GM2A: variants seen among roughly 807,000 people sequenced by gnomAD.
The protein encoded by GM2A is GM2 ganglioside activator.
GM2A carries 7 observed loss-of-function variants against 12.9 expected under a neutral mutation model. The observed-to-expected ratio is 0.54, with a 90% CI of 0.31 to 1.02. GM2A has a LOEUF of 1.02. Among genes scored for constraint, GM2A ranks in the 50% least tolerant of loss-of-function variants. The pLI is 0.05. For synonymous variants in GM2A, 101 were observed against 96.0 expected (o/e 1.05, Z -0.30); for missense variants, 246 against 241.0 (o/e 1.02, Z -0.14).
intron 3 of GM2A, 117 bp from the exon 4 acceptor site, chr5:151,267,179 T>C (rs2127241072): frequency 7.6e-7 from 1 of 1,322,208 alleles, no homozygotes; most frequent in East Asian, 2.4e-5. Flanking sequence ...CTTGTGCGGC[T>C]GTTTTGAGAA....
At position 151,267,159 on chromosome 5, in the gene GM2A, C is replaced by T. The variant is rs559608980; in HGVS notation, c.427-137C>T. The T allele has an allele frequency of 3.2e-4, 356 of 1,099,982 alleles. 3 individuals carry two copies. In the South Asian group the frequency reaches 3.8e-3, roughly 12 times the overall value. The allele number at this position is 1,099,982 out of a possible 1,614,324, so 68.1% of individuals were successfully genotyped here. ...AATCCATGCTCTACAGTGCTATGGCCGTCTCTCATCTTGTGCGGCTGTTTT... is the reference window on the plus strand; with the variant it reads ...AATCCATGCTCTACAGTGCTATGGCTGTCTCTCATCTTGTGCGGCTGTTTT... On this transcript the variant is annotated intron_variant, in intron 3 of 3. Coordinates refer to ENST00000357164, the MANE Select transcript of GM2A (RefSeq NM_000405.5).
chr5:151,256,644 A>G (rs1277674591), intron 1 of GM2A, among the ~76,000 whole-genome samples: 3 of 151,822 alleles, frequency 2.0e-5, no homozygotes, highest in Non-Finnish European at 2.9e-5. Flanking sequence ...CAGAGATAAT[A>G]TAGAGTTTCT....
intron 2 of GM2A, among the ~76,000 whole-genome samples, chr5:151,264,850 C>G (rs2127239084): frequency 6.6e-6 from 1 of 152,172 alleles, no homozygotes; most frequent in Non-Finnish European, 1.5e-5. Context: ...GGCGTGGTAG[C>G]TCATGCCTGT....
At position 151,259,763 on chromosome 5, in the gene GM2A, G is replaced by A. The variant is rs371296403; in HGVS notation, c.90G>A (p.Gln30=). ...TGCCTGATTGTCCCCAGCCATCCCA[G>A]CTCAGTAGCTTTTCCTGGGATAACT... ...PAQAHLKKPS[Q]LSSFSWDNCD... is the part of the protein sequence containing the mutation. Residue 30 remains glutamine (Q), a synonymous_variant, in exon 2 of 4, where the codon CAG becomes CAA. Coordinates refer to ENST00000357164, the MANE Select transcript of GM2A (RefSeq NM_000405.5). 1 of 1,613,810 alleles carries A rather than the reference G, an allele frequency of 6.2e-7. No individual in the cohort carries two copies. The highest frequency in any genetic ancestry group is 1.3e-5 in the African/African-American group (1 of 74,904).
At position 151,270,171 on chromosome 5, in the gene GM2A, T is replaced by C. The variant is rs1323470865; in HGVS notation, c.*2720T>C. The C allele has an allele frequency of 4.6e-6, 5 of 1,087,772 alleles. No individual in the cohort carries two copies. Among genetic ancestry groups the C allele is most frequent in the South Asian group, 4.8e-5 (1 of 20,710 alleles). 67.4% of individuals were successfully genotyped at this position (1,087,772 alleles called of 1,614,324 possible). ...GCAGGTCAAAGCAGACTTTAATAAA[T>C]GGTGCTGAGCCAACTGGAAAGCCCC... is the stretch of plus-strand genomic sequence containing the variant. On this transcript the variant is annotated 3_prime_UTR_variant, in exon 4 of 4. Coordinates refer to ENST00000357164, the MANE Select transcript of GM2A (RefSeq NM_000405.5).
chr5:151,258,603 T>C (rs750519088), intron 1 of GM2A, among the ~76,000 whole-genome samples: 2 of 152,206 alleles, frequency 1.3e-5, no homozygotes, highest in African/African-American at 2.4e-5. Context: ...CCCTAACTTC[T>C]GCTTGGTCAT....
At chr5:151,260,573 G>C (rs147611557) in intron 2 of GM2A, among the ~76,000 whole-genome samples, 24 of 152,144 alleles carry the variant, frequency 1.6e-4, no homozygotes, top group Middle Eastern at 3.4e-3. Context: ...AGCCAGGATC[G>C]CACCACTGCA....
rs1753981820 is a variant in GM2A, at chr5:151,270,158, A to AGATT, written c.*2709_*2710insTTGA. The AGATT allele has an allele frequency of 6.6e-6, 8 of 1,203,806 alleles. No homozygotes were observed. Among genetic ancestry groups the AGATT allele is most frequent in the Non-Finnish European group, 8.3e-6 (8 of 965,570 alleles). The allele number at this position is 1,203,806 out of a possible 1,614,324, so 74.6% of individuals were successfully genotyped here. Reference sequence around the variant, plus strand: ...GGCATCTTCAATCGCAGGTCAAAGCAGACTTTAATAAATGGTGCTGAGCCA... The same window carrying AGATT: ...GGCATCTTCAATCGCAGGTCAAAGCAGATTGACTTTAATAAATGGTGCTGAGCCA... On this transcript the variant is annotated 3_prime_UTR_variant, in exon 4 of 4. Transcript: ENST00000357164.
Position 151,267,880 on chromosome 5 carries a change from C to A in GM2A, c.*429C>A. 1.7e-6 allele frequency: 2 copies of A among 1,149,578 alleles called. No individual in the cohort carries two copies. The highest frequency in any genetic ancestry group is 1.9e-5 in the South Asian group (1 of 52,922). 71.2% of individuals were successfully genotyped at this position (1,149,578 alleles called of 1,614,324 possible). ...TATTAACGTTTTTGTTCTCCTCCGG[C>A]CCCCTGTTACAATGAAGGGGCAAAA... On this transcript the variant is annotated 3_prime_UTR_variant, in exon 4 of 4. Transcript: ENST00000357164.
rs59997121 is a variant in GM2A, at chr5:151,266,447, C to CAAAAAAAAA, written c.244-277_244-269dup. Among the ~76,000 whole-genome samples, 84 of 106,112 alleles carry CAAAAAAAAA rather than the reference C, an allele frequency of 7.9e-4. 2 individuals carry two copies. Among genetic ancestry groups the CAAAAAAAAA allele is most frequent in the African/African-American group, 1.1e-3 (29 of 26,344 alleles). 69.6% of individuals were successfully genotyped at this position (106,112 alleles called of 152,430 possible). ...GCAGTGAGTGCAGTGAGCCATGATA[C>CAAAAAAAAA]AAAAAAAAAAAAAAAGAATTCTAAG... is the stretch of plus-strand genomic sequence containing the variant. On this transcript the variant is annotated intron_variant, in intron 2 of 3. Transcript: ENST00000357164.
chr5:151,266,954 A>G, intron 3 of GM2A, 41 bp downstream of exon 3: 2 of 1,489,530 alleles, frequency 1.3e-6, no homozygotes, highest in South Asian at 2.3e-5. Context: ...CCTGTGGCTA[A>G]AGAGATGGGG....
At chr5:151,255,920 T>C (rs934759719) in intron 1 of GM2A, among the ~76,000 whole-genome samples, 7 of 152,128 alleles carry the variant, frequency 4.6e-5, no homozygotes, top group African/African-American at 1.7e-4. Context: ...AGGTCTTAGA[T>C]TGGCAGTTTT....
At chr5:151,262,341 G>A (rs559521191) in intron 2 of GM2A, among the ~76,000 whole-genome samples, 22 of 152,276 alleles carry the variant, frequency 1.4e-4, no homozygotes, top group African/African-American at 4.8e-4. Context: ...TCCTGATTTG[G>A]ATTCTGTGTT....
chr5:151,268,692 T>G lies in GM2A; in HGVS notation c.*1241T>G. 1 of 541,028 alleles carries G rather than the reference T, an allele frequency of 1.8e-6. No individual in the cohort carries two copies. The highest frequency in any genetic ancestry group is 2.3e-6 in the Non-Finnish European group (1 of 426,274). The allele number at this position is 541,028 out of a possible 1,614,324, so 33.5% of individuals were successfully genotyped here. ...GTGAGACTCTGTCTCAAAAAAAAAG[T>G]TTCAATGTTTACTCCTAGAGAAGCC... is the stretch of plus-strand genomic sequence containing the variant. On this transcript the variant is annotated 3_prime_UTR_variant, in exon 4 of 4. Transcript: ENST00000357164.
Position 151,259,787 on chromosome 5 carries a change from C to T in GM2A, c.114C>T (p.Asn38=), listed in dbSNP as rs975289769. The T allele has an allele frequency of 1.2e-6, 2 of 1,613,924 alleles. No individual in the cohort carries two copies. Among genetic ancestry groups the T allele is most frequent in the Middle Eastern group, 1.7e-4 (1 of 6,060 alleles). Residue 38 remains asparagine (N), a synonymous_variant, in exon 2 of 4, where the codon AAC becomes AAT. Transcript: ENST00000357164. ...PSQLSSFSWD[N]CDEGKDPAVI... ...AGCTCAGTAGCTTTTCCTGGGATAACTGTGATGAAGGGAAGGACCCTGCGG... is the reference window on the plus strand; with the variant it reads ...AGCTCAGTAGCTTTTCCTGGGATAATTGTGATGAAGGGAAGGACCCTGCGG...
chr5:151,267,096 G>C (rs562761793), intron 3 of GM2A, 183 bp downstream of exon 3: 21 of 845,108 alleles, frequency 2.5e-5, no homozygotes, highest in Non-Finnish European at 3.9e-5. Flanking sequence ...TGGGAGACTT[G>C]AACTTAGATG....
intron 1 of GM2A, 136 bp from the exon 2 acceptor site, chr5:151,259,619 T>A (rs1051159610): frequency 9.5e-6 from 7 of 735,320 alleles, no homozygotes; most frequent in Admixed American, 8.1e-5. Context: ...GTATGGAGTC[T>A]CATAGATGAG....
At chr5:151,261,948 A>G (rs1207331028) in intron 2 of GM2A, among the ~76,000 whole-genome samples, 3 of 152,130 alleles carry the variant, frequency 2.0e-5, no homozygotes, top group South Asian at 4.1e-4. Context: ...CTTATAGTAC[A>G]TCTTTTTATA....
chr5:151,257,300 G>A (rs988995673), intron 1 of GM2A, among the ~76,000 whole-genome samples: 17 of 152,092 alleles, frequency 1.1e-4, no homozygotes, highest in Non-Finnish European at 2.2e-4. Flanking sequence ...GAGACAGCTA[G>A]CCGGGCATTA....
Sources: allele counts gnomAD v4.1 joint callset (sites outside exome capture counted in the v4.1 genomes callset), GRCh38; gene constraint gnomAD v4.1.1; transcripts MANE v1.5; gene names NCBI Gene and HGNC (gene_info 2026-07-23, HGNC 2026-07-21).